Variants in KIF3C observed in about 807,000 individuals in gnomAD.
The protein encoded by KIF3C is kinesin-like protein KIF3C.
A neutral mutation model predicts 67.7 loss-of-function variants in KIF3C; 12 were observed. The ratio of observed to expected loss-of-function variants is 0.18; its 90% CI spans 0.11 to 0.29. KIF3C has a LOEUF of 0.29. KIF3C is among the 10% of genes least tolerant of loss of function. The probability of loss-of-function intolerance (pLI) is 1.00; values close to 1 mark genes in which losing one functional copy is unlikely to be tolerated. For synonymous variants in KIF3C, 393 were observed against 426.2 expected (o/e 0.92, Z 0.96); for missense variants, 789 against 1,059.6 (o/e 0.74, Z 3.55).
At chr2:25,944,082 C>T (rs1402742046) in intron 5 of KIF3C, among the ~76,000 whole-genome samples, 2 of 151,438 alleles carry the variant, frequency 1.3e-5, no homozygotes, top group Non-Finnish European at 2.9e-5. Flanking sequence ...TAATCTTGCT[C>T]TGTGGCCCAG....
chr2:25,976,873 C>T (rs1664430870), intron 1 of KIF3C, among the ~76,000 whole-genome samples: 1 of 152,214 alleles, frequency 6.6e-6, no homozygotes, highest in South Asian at 2.1e-4. Context: ...CACCTGTCCT[C>T]ACTGCAGTAT....
chr2:25,981,678 G>A lies in KIF3C; in HGVS notation c.240C>T (p.Pro80=), dbSNP rs747198776. 1.3e-5 allele frequency: 21 copies of A among 1,613,966 alleles called. No individual in the cohort carries two copies. The highest frequency in any genetic ancestry group is 3.3e-5 in the Admixed American group (2 of 59,996). ...AACCCTGGAGCACGGAGTCTATCAG[G>A]GGCCTCACGGTTTCGTCATACAGGT... ...QADLYDETVR[P]LIDSVLQGFN... Residue 80 remains proline, a synonymous_variant, in exon 1 of 8, where the codon CCC becomes CCT. Transcript: ENST00000264712. This position sits in a 1 kb window ranked among gnomAD's most constrained non-coding sequence, Gnocchi z 8.2.
intron 1 of KIF3C, among the ~76,000 whole-genome samples, chr2:25,978,158 C>T (rs1476745267): frequency 1.3e-5 from 2 of 152,136 alleles, no homozygotes; most frequent in African/African-American, 4.8e-5. Flanking sequence ...TTGGAAAGAG[C>T]ACAGGGCTGG....
intron 5 of KIF3C, among the ~76,000 whole-genome samples, chr2:25,933,793 C>T (rs2090482028): frequency 1.3e-5 from 2 of 151,708 alleles, no homozygotes; most frequent in South Asian, 4.2e-4. Context: ...AACCCTCATA[C>T]ACTATTAGTG....
intron 1 of KIF3C, among the ~76,000 whole-genome samples, chr2:25,970,608 A>G (rs1471143717): frequency 1.4e-5 from 2 of 145,440 alleles, no homozygotes; most frequent in African/African-American, 2.5e-5. Context: ...TGGAGGTTGC[A>G]GTGAGCCGAG....
intron 5 of KIF3C, among the ~76,000 whole-genome samples, chr2:25,944,203 G>C (rs1051783167): frequency 6.6e-6 from 1 of 151,868 alleles, no homozygotes; most frequent in African/African-American, 2.4e-5. Flanking sequence ...GTGATCCACC[G>C]TGCACAGCTA....
intron 5 of KIF3C, among the ~76,000 whole-genome samples, chr2:25,946,371 A>G (rs1261242345): frequency 6.6e-6 from 1 of 151,832 alleles, no homozygotes; most frequent in African/African-American, 2.4e-5. Context: ...CCTGGCCAAC[A>G]TGGTAAAACC....
chr2:25,940,981 T>C (rs930644829), intron 5 of KIF3C, among the ~76,000 whole-genome samples: 11 of 152,112 alleles, frequency 7.2e-5, no homozygotes, highest in African/African-American at 2.7e-4. Flanking sequence ...ATCCAAAGTC[T>C]AGTCTCTCTC....
At chr2:25,978,350 T>C (rs1664470828) in intron 1 of KIF3C, among the ~76,000 whole-genome samples, 1 of 152,148 alleles carries the variant, frequency 6.6e-6, no homozygotes, top group South Asian at 2.1e-4. Context: ...CAACGCCTTA[T>C]ATAAAAATGA....
intron 5 of KIF3C, among the ~76,000 whole-genome samples, chr2:25,947,182 C>T (rs942358464): frequency 4.6e-5 from 7 of 151,918 alleles, no homozygotes; most frequent in African/African-American, 1.7e-4. Flanking sequence ...CACAAACTTG[C>T]CTTTAAAGCA....
rs563301676 is a variant in KIF3C, at chr2:25,964,943, C to T, written c.1546-8499G>A. The stretch of plus-strand genomic sequence containing the variant: ...TCCTGGGCTGGTTTCTGCTCATCTG[C>T]TTCCGCGTTGGATCTCCTCTGTGGA... On this transcript the variant is annotated intron_variant, in intron 1 of 7. Transcript: ENST00000264712. Among the ~76,000 whole-genome samples the T allele has an allele frequency of 2.6e-5, 4 of 152,322 alleles. No individual in the cohort carries two copies. The East Asian group carries it at 7.7e-4, about 29-fold the overall frequency.
chr2:25,953,321 T>C (rs935956728), intron 4 of KIF3C, among the ~76,000 whole-genome samples: 3 of 151,938 alleles, frequency 2.0e-5, no homozygotes, highest in Non-Finnish European at 4.4e-5. Flanking sequence ...GCAACTACTA[T>C]ATACACACAT....
In KIF3C at chr2:25,940,548, C is replaced by T. The variant is rs111249246; in HGVS notation, c.2007-10485G>A. On this transcript the variant is annotated intron_variant, in intron 5 of 7. Transcript: ENST00000264712. ...TCACGCCACTGTACTCCAGCCTGGG[C>T]GACAGAGTGAGACTCCATCTCAAAA... Among the ~76,000 whole-genome samples the T allele has an allele frequency of 3.9e-3, 579 of 148,678 alleles. 6 individuals carry two copies. Among genetic ancestry groups the T allele is most frequent in the African/African-American group, 0.013 (542 of 40,436 alleles).
intron 1 of KIF3C, among the ~76,000 whole-genome samples, chr2:25,957,839 A>G (rs1663846539): frequency 6.6e-6 from 1 of 152,210 alleles, no homozygotes; most frequent in Non-Finnish European, 1.5e-5. Context: ...ACAGCCTCAG[A>G]GGCCAAGGCA....
chr2:25,942,077 G>T (rs1183940934), intron 5 of KIF3C, among the ~76,000 whole-genome samples: 1 of 152,010 alleles, frequency 6.6e-6, no homozygotes, highest in African/African-American at 2.4e-5. Flanking sequence ...AAAAATCTAG[G>T]TTGGGCACAG....
At chr2:25,953,544 T>C (rs1026518365) in intron 4 of KIF3C, among the ~76,000 whole-genome samples, 1 of 151,792 alleles carries the variant, frequency 6.6e-6, no homozygotes, top group East Asian at 2.0e-4. Flanking sequence ...ATATTTTTAG[T>C]AGAGGCGGAG....
intron 5 of KIF3C, among the ~76,000 whole-genome samples, chr2:25,946,917 C>T (rs900896925): frequency 6.6e-6 from 1 of 151,904 alleles, no homozygotes; most frequent in African/African-American, 2.4e-5. Flanking sequence ...TTCGGGAGGC[C>T]GAGGTAGGCG....
chr2:25,941,213 A>G (rs777838068), intron 5 of KIF3C, among the ~76,000 whole-genome samples: 10 of 152,162 alleles, frequency 6.6e-5, no homozygotes, highest in Non-Finnish European at 1.3e-4. Flanking sequence ...TTGAAGCAGG[A>G]GGATCACTTG....
intron 5 of KIF3C, among the ~76,000 whole-genome samples, chr2:25,942,444 C>T (rs1368179437): frequency 6.6e-6 from 1 of 150,952 alleles, no homozygotes; most frequent in Non-Finnish European, 1.5e-5. Context: ...GAGTTTCACT[C>T]TTGTTGCCCA....
Sources: gnomAD v4.1 joint callset for allele counts (sites outside exome capture counted in the v4.1 genomes callset) on GRCh38, gnomAD v4.1.1 for gene constraint, Gnocchi (gnomAD v3.1) non-coding constraint, MANE v1.5 for transcripts, NCBI Gene and HGNC (gene_info 2026-07-23, HGNC 2026-07-21) for gene names.